The following KRCC1 variants were observed in gnomAD, a reference collection of about 807,000 sequenced individuals.
KRCC1 encodes lysine rich coiled-coil 1, also known as lysine-rich coiled-coil protein 1.
Under a neutral mutation model 7.4 loss-of-function variants are expected in KRCC1, and 3 were observed. The ratio of observed to expected loss-of-function variants is 0.40; its 90% CI spans 0.18 to 1.04. The LOEUF (loss-of-function observed/expected upper bound fraction) is 1.04. Among genes scored for constraint, KRCC1 ranks in the 50% least tolerant of loss-of-function variants. KRCC1 has a pLI of 0.33. For missense variants in KRCC1, 277 were observed against 300.9 expected (o/e 0.92, Z 0.59); for synonymous variants, 102 against 101.6 (o/e 1.00, Z -0.02).
intron 1 of KRCC1, among the ~76,000 whole-genome samples, chr2:88,052,942 T>C (rs1269161598): frequency 1.3e-5 from 2 of 152,236 alleles, no homozygotes; most frequent in Non-Finnish European, 2.9e-5. Context: ...ACATTTATTA[T>C]TTTCAACATT....
At chr2:88,043,227 A>AG (rs1195672803) in intron 1 of KRCC1, among the ~76,000 whole-genome samples, 1 of 152,228 alleles carries the variant, frequency 6.6e-6, no homozygotes, top group African/African-American at 2.4e-5. Flanking sequence ...CAGGAGGTCT[A>AG]GGGGTTACAG....
chr2:88,031,390 G>A (rs1457264273), intron 3 of KRCC1, among the ~76,000 whole-genome samples: 3 of 152,086 alleles, frequency 2.0e-5, no homozygotes, highest in Admixed American at 1.3e-4. Context: ...TGGGAGGCCA[G>A]GTGGGTGGAT....
At chr2:88,035,930 T>C (rs1456719664) in intron 2 of KRCC1, among the ~76,000 whole-genome samples, 2 of 152,128 alleles carry the variant, frequency 1.3e-5, no homozygotes, top group African/African-American at 4.8e-5. Flanking sequence ...ATTTTTCAGG[T>C]TGAATAAACA....
chr2:88,050,924 CTTT>C (rs60827041), intron 1 of KRCC1, among the ~76,000 whole-genome samples: 1,703 of 125,328 alleles, frequency 0.014, 43 homozygotes, highest in East Asian at 0.12. Flanking sequence ...TCCTTACTTG[CTTT>C]TTTTTTTTTT....
intron 3 of KRCC1, among the ~76,000 whole-genome samples, chr2:88,029,851 TA>T (rs1366872784): frequency 6.2e-5 from 2 of 32,036 alleles, no homozygotes; most frequent in Non-Finnish European, 1.5e-4. Context: ...TATATATATA[TA>T]TATTTTTTTT....
At chr2:88,048,254 G>A (rs1673388357) in intron 1 of KRCC1, among the ~76,000 whole-genome samples, 2 of 151,860 alleles carry the variant, frequency 1.3e-5, no homozygotes, top group Non-Finnish European at 2.9e-5. Context: ...GGCTAATTTT[G>A]TATTTTTAGT....
At chr2:88,044,582 T>C (rs1279283029) in intron 1 of KRCC1, among the ~76,000 whole-genome samples, 1 of 152,146 alleles carries the variant, frequency 6.6e-6, no homozygotes, top group African/African-American at 2.4e-5. Context: ...GAAAAGAATA[T>C]ATACTAATGA....
intron 3 of KRCC1, among the ~76,000 whole-genome samples, chr2:88,031,725 G>T (rs182081196): frequency 5.9e-5 from 9 of 152,170 alleles, no homozygotes; most frequent in African/African-American, 2.2e-4. Flanking sequence ...GCTGGACAAT[G>T]TGTTTTAACC....
intron 3 of KRCC1, among the ~76,000 whole-genome samples, chr2:88,030,311 A>C (rs898814791): frequency 7.3e-5 from 11 of 150,580 alleles, no homozygotes; most frequent in Admixed American, 7.2e-4. Flanking sequence ...TAATTTTTTG[A>C]GACTAATGAT....
At chr2:88,038,075 AT>A (rs1292530531) in intron 1 of KRCC1, among the ~76,000 whole-genome samples, 5 of 152,246 alleles carry the variant, frequency 3.3e-5, no homozygotes, top group African/African-American at 1.2e-4. Flanking sequence ...TGCCCATGAT[AT>A]ATTAACGGGA....
chr2:88,030,039 G>A (rs1169373864), intron 3 of KRCC1, among the ~76,000 whole-genome samples: 1 of 150,376 alleles, frequency 6.6e-6, no homozygotes, highest in Non-Finnish European at 1.5e-5. Flanking sequence ...GTAGAGATGC[G>A]GTTTCACCAT....
intron 1 of KRCC1, among the ~76,000 whole-genome samples, chr2:88,055,044 G>T (rs529352050): frequency 6.6e-5 from 10 of 152,046 alleles, no homozygotes; most frequent in Admixed American, 6.5e-5. Flanking sequence ...TTAGAAGCTT[G>T]TCTTATAGGG....
intron 1 of KRCC1, among the ~76,000 whole-genome samples, chr2:88,044,758 G>A (rs1051192545): frequency 5.3e-5 from 8 of 151,882 alleles, no homozygotes; most frequent in Non-Finnish European, 8.8e-5. Context: ...AAAATTAAAG[G>A]ACTAAGAATA....
chr2:88,045,470 G>A (rs1437740841), intron 1 of KRCC1, among the ~76,000 whole-genome samples: 4 of 152,166 alleles, frequency 2.6e-5, no homozygotes, highest in Non-Finnish European at 5.9e-5. Flanking sequence ...AGACATGAAA[G>A]AGTATCTACT....
At chr2:88,045,745 G>A (rs1438522139) in intron 1 of KRCC1, among the ~76,000 whole-genome samples, 1 of 151,866 alleles carries the variant, frequency 6.6e-6, no homozygotes, top group Non-Finnish European at 1.5e-5. Context: ...GTGTAGTGGT[G>A]CAATCTTGGC....
rs1380452502 is a variant in KRCC1, at chr2:88,053,999, CA to C, written c.-291+1626del. ...CTGAATGTTTTACTTAGGTCTTCTG[CA>C]GTGGGATCAAGCACTATCAACTAAA... On this transcript the variant is annotated intron_variant, in intron 1 of 3. Coordinates refer to ENST00000347055, the MANE Select transcript of KRCC1 (RefSeq NM_016618.3). 7.9e-5 allele frequency among the ~76,000 whole-genome samples: 12 copies of C among 152,308 alleles called. No individual in the cohort carries two copies. In the South Asian group the frequency reaches 2.5e-3, roughly 32 times the overall value.
intron 1 of KRCC1, among the ~76,000 whole-genome samples, chr2:88,037,971 T>A (rs933944573): frequency 6.6e-6 from 1 of 152,246 alleles, no homozygotes; most frequent in Non-Finnish European, 1.5e-5. Flanking sequence ...TACCAGTTTA[T>A]ACATAGGGTG....
intron 3 of KRCC1, among the ~76,000 whole-genome samples, chr2:88,031,593 G>C (rs1253475234): frequency 1.3e-5 from 2 of 151,832 alleles, no homozygotes; most frequent in Non-Finnish European, 2.9e-5. Context: ...CTGCACTCCA[G>C]CCTGGGCAAC....
chr2:88,044,638 T>C (rs1482030608), intron 1 of KRCC1, among the ~76,000 whole-genome samples: 3 of 152,032 alleles, frequency 2.0e-5, no homozygotes, highest in African/African-American at 4.8e-5. Context: ...TGCTTTTAAC[T>C]TGGACTAACG....
Sources: allele counts gnomAD v4.1 joint callset (sites outside exome capture counted in the v4.1 genomes callset), GRCh38; gene constraint gnomAD v4.1.1; transcripts MANE v1.5; gene names NCBI Gene and HGNC (gene_info 2026-07-23, HGNC 2026-07-21).